Variants in AATF observed in about 807,000 individuals in gnomAD.
AATF encodes the protein protein AATF.
Under a neutral mutation model 63.7 loss-of-function variants are expected in AATF, and 48 were observed. The ratio of observed to expected loss-of-function variants is 0.75; its 90% CI spans 0.60 to 0.96. The LOEUF (loss-of-function observed/expected upper bound fraction) is 0.96. Ranked by LOEUF, AATF falls within the 40% of genes least tolerant of loss-of-function variation. The pLI, the probability that AATF is intolerant of heterozygous loss-of-function variation, is 0.00. For missense variants in AATF, 639 were observed against 685.7 expected, an observed-to-expected ratio of 0.93 and a Z score of 0.76; for synonymous variants, 258 against 247.7, an observed-to-expected ratio of 1.04 and a Z score of -0.39.
chr17:37,021,485 T>C (rs927144525), intron 10 of AATF, among the ~76,000 whole-genome samples: 9 of 151,874 alleles, frequency 5.9e-5, no homozygotes, highest in Admixed American at 2.0e-4. Context: ...AAAAATTAGC[T>C]GGGTGTGGTG....
intron 4 of AATF, among the ~76,000 whole-genome samples, chr17:36,979,001 C>T (rs2071100334): frequency 6.6e-6 from 1 of 151,936 alleles, no homozygotes; most frequent in Non-Finnish European, 1.5e-5. Flanking sequence ...CCGCGAGTTG[C>T]ACAATAATCA....
At position 37,022,113 on chromosome 17, in the gene AATF, CGTGTGTGTGT is replaced by C. The variant is rs71159679; in HGVS notation, c.1547+1129_1547+1138del. 1.6e-3 allele frequency among the ~76,000 whole-genome samples: 234 copies of C among 145,432 alleles called. 1 individual carries two copies. Among genetic ancestry groups the C allele is most frequent in the African/African-American group, 5.9e-3 (230 of 39,160 alleles). On this transcript the variant is annotated intron_variant, in intron 10 of 11. Coordinates refer to ENST00000619387, the MANE Select transcript of AATF (RefSeq NM_012138.4). ...CTATACTTTTAGACTTGGTAACTGCCGTGTGTGTGTGTGTGTGTGTGTGTGTGTGTGTGTG... is the reference window on the plus strand; with the variant it reads ...CTATACTTTTAGACTTGGTAACTGCCGTGTGTGTGTGTGTGTGTGTGTGTG...
chr17:36,959,365 C>A (rs2070927930), intron 4 of AATF, among the ~76,000 whole-genome samples: 2 of 152,178 alleles, frequency 1.3e-5, no homozygotes, highest in South Asian at 4.2e-4. Flanking sequence ...ATTGCTTGAA[C>A]CCAGGAGGCA....
intron 10 of AATF, among the ~76,000 whole-genome samples, chr17:37,027,016 A>G (rs1221330245): frequency 6.6e-6 from 1 of 152,218 alleles, no homozygotes. Flanking sequence ...ACTTCCAGAA[A>G]TGTTGTAGCA....
At chr17:36,987,873 G>T (rs1353489068) in intron 5 of AATF, among the ~76,000 whole-genome samples, 10 of 152,220 alleles carry the variant, frequency 6.6e-5, no homozygotes, top group African/African-American at 2.4e-4. Flanking sequence ...ATATGGTTAT[G>T]TGTTTAATTT....
Position 36,952,913 on chromosome 17 carries a change from C to A in AATF, c.311C>A (p.Ser104Tyr), listed in dbSNP as rs2070866914. The A allele has an allele frequency of 6.2e-7, 1 of 1,613,890 alleles. No individual in the cohort carries two copies. Among genetic ancestry groups the A allele is most frequent in the Non-Finnish European group, 8.5e-7 (1 of 1,179,996 alleles). The change falls in exon 3 of 12, where the codon TCT becomes TAT. Residue 104 changes from serine to tyrosine, a missense_variant. By Grantham distance (144) the Ser-to-Tyr change is moderately radical. Coordinates refer to ENST00000619387, the MANE Select transcript of AATF (RefSeq NM_012138.4). ...GAGGAAATATCTGATGAGGAAGGGTCTGGAGATGAAGATTCAGAGGGACTG... is the reference window on the plus strand; with the variant it reads ...GAGGAAATATCTGATGAGGAAGGGTATGGAGATGAAGATTCAGAGGGACTG... Reference protein sequence around the residue: ...SDEEISDEEGSGDEDSEGLGL... With the variant: ...SDEEISDEEGYGDEDSEGLGL...
chr17:36,968,266 CTTTCTTTTTTTTTTTTT>C lies in AATF; in HGVS notation c.832+14363_832+14379del, dbSNP rs2071009769. Among the ~76,000 whole-genome samples the C allele has an allele frequency of 2.8e-4, 21 of 75,578 alleles. 3 individuals carry two copies. Among genetic ancestry groups the C allele is most frequent in the Non-Finnish European group, 4.1e-4 (16 of 39,154 alleles). 49.6% of individuals were successfully genotyped at this position (75,578 alleles called of 152,430 possible). On this transcript the variant is annotated intron_variant, in intron 4 of 11. Transcript: ENST00000619387. ...CTTTTTTCTTTTTCTTTCTTTCCTTCTTTCTTTTTTTTTTTTTTTTTTTTTTTTTTTTTTGAGATAGG... is the reference window on the plus strand; with the variant it reads ...CTTTTTTCTTTTTCTTTCTTTCCTTCTTTTTTTTTTTTTTTTTGAGATAGG...
intron 11 of AATF, chr17:37,054,359 G>C (rs1477814025): frequency 1.3e-5 from 2 of 152,248 alleles, no homozygotes; most frequent in Admixed American, 1.3e-4. Flanking sequence ...TGTGAAGTTT[G>C]AGATGCTTTG....
rs2070861417 is a variant in AATF, at chr17:36,952,297, ATTATT to A, written c.284-588_284-584del. ...TGTGTACTAATGACCTTGTAATATAATTATTGGCATGCATATCTACCACTCCCACC... is the reference window on the plus strand; with the variant it reads ...TGTGTACTAATGACCTTGTAATATAAGGCATGCATATCTACCACTCCCACC... On this transcript the variant is annotated intron_variant, in intron 2 of 11. Transcript: ENST00000619387. Among the ~76,000 whole-genome samples the A allele has an allele frequency of 2.6e-5, 4 of 152,316 alleles. No homozygotes were observed. In the South Asian group the frequency reaches 8.3e-4, roughly 32 times the overall value.
Position 36,968,266 on chromosome 17 carries a change from C to CTTTTTTTTTTTTTTTTTTTTTTTT in AATF, c.832+14362_832+14363insTTTTTTTTTTTTTTTTTTTTTTTT, listed in dbSNP as rs2071009164. On this transcript the variant is annotated intron_variant, in intron 4 of 11. Coordinates refer to ENST00000619387, the MANE Select transcript of AATF (RefSeq NM_012138.4). ...CTTTTTTCTTTTTCTTTCTTTCCTT[C>CTTTTTTTTTTTTTTTTTTTTTTTT]TTTCTTTTTTTTTTTTTTTTTTTTT... is the stretch of plus-strand genomic sequence containing the variant. Among the ~76,000 whole-genome samples, 4 of 75,570 alleles carry CTTTTTTTTTTTTTTTTTTTTTTTT rather than the reference C, an allele frequency of 5.3e-5. 1 individual carries two copies. The highest frequency in any genetic ancestry group is 5.4e-5 in the African/African-American group (1 of 18,466). 49.6% of individuals were successfully genotyped at this position (75,570 alleles called of 152,430 possible). A position where few individuals can be genotyped will look rare whatever the true frequency, so the allele number is the denominator to read the frequency against.
At chr17:36,955,184 G>A (rs1456580218) in intron 4 of AATF, among the ~76,000 whole-genome samples, 2 of 152,166 alleles carry the variant, frequency 1.3e-5, no homozygotes, top group Non-Finnish European at 2.9e-5. Context: ...ACCTGAGGAG[G>A]ATATCTAATT....
chr17:37,040,349 C>G (rs1464686105), intron 11 of AATF, among the ~76,000 whole-genome samples: 1 of 152,066 alleles, frequency 6.6e-6, no homozygotes, highest in African/African-American at 2.4e-5. Flanking sequence ...AAGTCTGTCC[C>G]CTGTGTCTGA....
chr17:37,042,620 G>A (rs2071650748), intron 11 of AATF, among the ~76,000 whole-genome samples: 6 of 140,944 alleles, frequency 4.3e-5, no homozygotes, highest in African/African-American at 1.3e-4. Flanking sequence ...GTCTTGCTGT[G>A]TTGCCCCAGC....
chr17:36,958,167 T>C lies in AATF; in HGVS notation c.832+4260T>C, dbSNP rs186191433. 3.1e-4 allele frequency among the ~76,000 whole-genome samples: 47 copies of C among 150,230 alleles called. No homozygotes were observed. In the East Asian group the frequency reaches 8.3e-3, roughly 27 times the overall value. ...GTTTGCTTTTTCTCTCTTTCTTTTT[T>C]TTCTTTTTTTTTTGAGATGGAGTCT... On this transcript the variant is annotated intron_variant, in intron 4 of 11. Coordinates refer to ENST00000619387, the MANE Select transcript of AATF (RefSeq NM_012138.4).
intron 8 of AATF, among the ~76,000 whole-genome samples, chr17:37,009,595 A>C (rs1350808647): frequency 6.0e-5 from 9 of 150,450 alleles, no homozygotes; most frequent in Admixed American, 5.3e-4. Context: ...AGGCGGGTGG[A>C]TCATGAGGTC....
In AATF at chr17:37,056,604, A is replaced by G. The variant is rs752157096; in HGVS notation, c.1623A>G (p.Thr541=). The change falls in exon 12 of 12, where the codon ACA becomes ACG. Residue 541 remains threonine (T), a synonymous_variant. Transcript: ENST00000619387. ...GTTTGCTGTGTTTGTCTTTTAGGAC[A>G]GAACTGTACCGCTCTCTTTTTGGCC... ...DHTTMNDDAR[T]ELYRSLFGQL... is the part of the protein sequence containing the mutation. The G allele has an allele frequency of 6.2e-6, 10 of 1,614,220 alleles. No homozygotes were observed. The highest frequency in any genetic ancestry group is 1.6e-4 in the Middle Eastern group (1 of 6,062).
At chr17:37,031,490 T>G (rs1013483216) in intron 10 of AATF, 124 bp from the exon 11 acceptor site, 12 of 798,946 alleles carry the variant, frequency 1.5e-5, no homozygotes, top group Non-Finnish European at 2.0e-5. Context: ...AATTTTTCCC[T>G]ATCCCACTTT....
chr17:37,043,920 C>G (rs1286434560), intron 11 of AATF, among the ~76,000 whole-genome samples: 2 of 152,114 alleles, frequency 1.3e-5, no homozygotes, highest in Non-Finnish European at 1.5e-5. Flanking sequence ...AATGTAACCC[C>G]TAACAGATAA....
chr17:37,040,864 T>C (rs1394638386), intron 11 of AATF, among the ~76,000 whole-genome samples: 1 of 152,232 alleles, frequency 6.6e-6, no homozygotes, highest in African/African-American at 2.4e-5. Flanking sequence ...TTATGTTATA[T>C]CATTCTGGTT....
Sources: gnomAD v4.1 joint callset for allele counts (sites outside exome capture counted in the v4.1 genomes callset) on GRCh38, gnomAD v4.1.1 for gene constraint, MANE v1.5 for transcripts, NCBI Gene and HGNC (gene_info 2026-07-23, HGNC 2026-07-21) for gene names.